Variants in CCNYL1 observed in about 807,000 individuals in gnomAD.
CCNYL1 encodes cyclin Y like 1, also known as cyclin-Y-like protein 1.
A neutral mutation model predicts 44.2 loss-of-function variants in CCNYL1; 16 were observed. That is an observed-to-expected ratio of 0.36 (90% CI 0.25 to 0.55). The LOEUF is 0.55. CCNYL1 is among the 20% of genes least tolerant of loss of function. The probability of loss-of-function intolerance (pLI) is 0.85; values close to 1 mark genes in which losing one functional copy is unlikely to be tolerated. For missense variants in CCNYL1, 348 were observed against 451.8 expected (o/e 0.77, Z 2.08); for synonymous variants, 159 against 163.2 (o/e 0.97, Z 0.20).
chr2:207,737,811 G>A (rs2091777042), intron 5 of CCNYL1, among the ~76,000 whole-genome samples: 1 of 152,094 alleles, frequency 6.6e-6, no homozygotes, highest in South Asian at 2.1e-4. Flanking sequence ...TTTAACAGCT[G>A]TCCCAGGTTG....
At chr2:207,723,692 A>G (rs576589680) in intron 1 of CCNYL1, among the ~76,000 whole-genome samples, 1 of 151,986 alleles carries the variant, frequency 6.6e-6, no homozygotes, top group African/African-American at 2.4e-5. Context: ...CCTGGCCAAC[A>G]TGGTAAAACC....
At chr2:207,727,229 A>G (rs1422159939) in intron 3 of CCNYL1, among the ~76,000 whole-genome samples, 1 of 152,200 alleles carries the variant, frequency 6.6e-6, no homozygotes, top group Non-Finnish European at 1.5e-5. Flanking sequence ...TTCCTGTCAT[A>G]ACAAGTGAAA....
chr2:207,712,159 G>C (rs1441167673), intron 1 of CCNYL1, 43 bp downstream of exon 1: 1 of 1,535,370 alleles, frequency 6.5e-7, no homozygotes, highest in South Asian at 1.1e-5. Flanking sequence ...GCTCACCTCT[G>C]CCCGCCTCCT....
At chr2:207,723,343 T>C (rs1318418565) in intron 1 of CCNYL1, among the ~76,000 whole-genome samples, 2 of 152,226 alleles carry the variant, frequency 1.3e-5, no homozygotes, top group Non-Finnish European at 2.9e-5. Context: ...GGTAGATAAA[T>C]TTGTGAAATG....
chr2:207,752,534 C>CA (rs61700477), intron 9 of CCNYL1, among the ~76,000 whole-genome samples: 24,402 of 133,482 alleles, frequency 0.18, 3,264 homozygotes, highest in East Asian at 0.4. Flanking sequence ...ACCCTTGTCT[C>CA]AAAAAAAAAA....
intron 1 of CCNYL1, chr2:207,714,400 A>C (rs1438805949): frequency 2.4e-6 from 1 of 412,712 alleles, no homozygotes; most frequent in Non-Finnish European, 4.7e-6. Context: ...GGGCTCAAGC[A>C]GTCCTCCCAC....
At position 207,712,132 on chromosome 2, in the gene CCNYL1, A is replaced by G. The variant is rs2091553586; in HGVS notation, c.220+16A>G. The G allele has an allele frequency of 6.3e-7, 1 of 1,591,462 alleles. No individual in the cohort carries two copies. On this transcript the variant is annotated intron_variant, in intron 1 of 9. Transcript: ENST00000295414. ...ATGCCCGAAGGTAAGGAGGCGGCGG[A>G]TGCCATCCGCCCTCGGGCTCACCTC...
intron 3 of CCNYL1, among the ~76,000 whole-genome samples, chr2:207,728,408 T>G (rs1331887677): frequency 6.6e-6 from 1 of 152,150 alleles, no homozygotes; most frequent in Non-Finnish European, 1.5e-5. Context: ...TCCGAGTAAC[T>G]GGGACTACAG....
At chr2:207,730,778 A>T (rs1172855276) in intron 3 of CCNYL1, among the ~76,000 whole-genome samples, 1 of 152,192 alleles carries the variant, frequency 6.6e-6, no homozygotes, top group Non-Finnish European at 1.5e-5. Flanking sequence ...AAATAAATTT[A>T]TAAACTCTGT....
At chr2:207,739,967 T>G (rs2091796030) in intron 5 of CCNYL1, among the ~76,000 whole-genome samples, 1 of 152,184 alleles carries the variant, frequency 6.6e-6, no homozygotes, top group Non-Finnish European at 1.5e-5. Flanking sequence ...TTTTTATTTC[T>G]AAATTTTCAA....
chr2:207,753,027 CAAAAAAA>C (rs537104378), intron 9 of CCNYL1, among the ~76,000 whole-genome samples: 1 of 125,596 alleles, frequency 8.0e-6, no homozygotes, highest in African/African-American at 3.0e-5. Flanking sequence ...AACTCTGCCT[CAAAAAAA>C]AAAAAGAAAA....
chr2:207,718,701 G>A (rs988767142), intron 1 of CCNYL1, among the ~76,000 whole-genome samples: 7 of 152,176 alleles, frequency 4.6e-5, no homozygotes, highest in Admixed American at 6.5e-5. Flanking sequence ...GTGTGGCTGC[G>A]AAGAGTTGCA....
Position 207,724,776 on chromosome 2 carries a change from C to T in CCNYL1, c.221-24C>T, listed in dbSNP as rs767389524. ...TCTTTTCTACTCACCTAAAGTGTCA[C>T]GTCTTTTTCCTCCTCTTCTATAGAT... On this transcript the variant is annotated intron_variant, in intron 1 of 9. Coordinates refer to ENST00000295414, the MANE Select transcript of CCNYL1 (RefSeq NM_001330218.2). 1.9e-5 allele frequency: 30 copies of T among 1,554,504 alleles called. 1 individual carries two copies. Among genetic ancestry groups the T allele is most frequent in the Middle Eastern group, 1.7e-4 (1 of 5,938 alleles).
At chr2:207,718,682 C>G (rs1264444524) in intron 1 of CCNYL1, among the ~76,000 whole-genome samples, 1 of 152,148 alleles carries the variant, frequency 6.6e-6, no homozygotes, top group African/African-American at 2.4e-5. Flanking sequence ...CTTGACAATA[C>G]ATTCTTTGGT....
intron 7 of CCNYL1, 68 bp from the exon 8 acceptor site, chr2:207,746,975 CAAAA>C (rs74269714): frequency 1.4e-4 from 144 of 995,752 alleles, no homozygotes; most frequent in South Asian, 2.5e-4. Flanking sequence ...AACTCCGTCT[CAAAA>C]AAAAAAAAAA....
At chr2:207,715,776 A>C (rs535354860) in intron 1 of CCNYL1, among the ~76,000 whole-genome samples, 1 of 151,168 alleles carries the variant, frequency 6.6e-6, no homozygotes, top group Non-Finnish European at 1.5e-5. Flanking sequence ...CCCAGAGTTC[A>C]AGCAGTTCTC....
At chr2:207,751,145 G>C in intron 9 of CCNYL1, 26 bp downstream of exon 9, 1 of 1,593,570 alleles carries the variant, frequency 6.3e-7, no homozygotes, top group South Asian at 1.1e-5. Flanking sequence ...CACTAAGTGA[G>C]GTTTTCCATC....
Position 207,740,831 on chromosome 2 carries a change from A to T in CCNYL1, c.519+125A>T. On this transcript the variant is annotated intron_variant, in intron 6 of 9. Transcript: ENST00000295414. ...TATGAAGATAATTAGAAAACAATTT[A>T]AATTTAAATCAATTAAAATGGTGTA... 3 of 647,412 alleles carry T rather than the reference A, an allele frequency of 4.6e-6. No individual in the cohort carries two copies. The South Asian group carries it at 5.9e-5, about 13-fold the overall frequency. The allele number at this position is 647,412 out of a possible 1,614,324, so 40.1% of individuals were successfully genotyped here.
At chr2:207,741,566 G>T (rs2091810079) in intron 6 of CCNYL1, among the ~76,000 whole-genome samples, 1 of 152,210 alleles carries the variant, frequency 6.6e-6, no homozygotes, top group Non-Finnish European at 1.5e-5. Context: ...ACTTAGGCCA[G>T]CTGGGCATGG....
Sources: allele counts gnomAD v4.1 joint callset (sites outside exome capture counted in the v4.1 genomes callset), GRCh38; gene constraint gnomAD v4.1.1; transcripts MANE v1.5; gene names NCBI Gene and HGNC (gene_info 2026-07-23, HGNC 2026-07-21).